The following NCS1 variants were observed in gnomAD, a reference collection of about 807,000 sequenced individuals.
NCS1 encodes neuronal calcium sensor 1.
NCS1 carries 6 observed loss-of-function variants against 28.4 expected under a neutral mutation model. The ratio of observed to expected loss-of-function variants is 0.21; its 90% CI spans 0.12 to 0.42. The LOEUF is 0.42. Ranked by LOEUF, NCS1 falls within the 10% of genes least tolerant of loss-of-function variation. NCS1 has a pLI of 1.00. For synonymous variants in NCS1, 86 were observed against 99.3 expected (o/e 0.87, Z 0.79); for missense variants, 131 against 241.4 (o/e 0.54, Z 3.03).
rs546850050 is a variant in NCS1 at position 130,201,091 on chromosome 9, G to A, written c.89+109G>A. 239 of 1,466,770 alleles carry A rather than the reference G, an allele frequency of 1.6e-4. 1 individual carries two copies. The African/African-American group carries it at 3.0e-3, about 19-fold the overall frequency. The allele number at this position is 1,466,770 out of a possible 1,614,324, so 90.9% of individuals were successfully genotyped here. A position where few individuals can be genotyped will look rare whatever the true frequency, so the allele number is the denominator to read the frequency against. Reference sequence around the variant, plus strand: ...GCTGCTCAGGATGGGGGCATGTGGAGGGGCCCCTGAGCGTGGGGTCCAGAC... The same window carrying A: ...GCTGCTCAGGATGGGGGCATGTGGAAGGGCCCCTGAGCGTGGGGTCCAGAC... On this transcript the variant is annotated intron_variant, in intron 2 of 7. Coordinates refer to ENST00000372398, the MANE Select transcript of NCS1 (RefSeq NM_014286.4).
chr9:130,201,782 G>T (rs533690186), intron 2 of NCS1, among the ~76,000 whole-genome samples: 1 of 152,162 alleles, frequency 6.6e-6, no homozygotes, highest in African/African-American at 2.4e-5. Flanking sequence ...ATGCTGGCCC[G>T]CCTGGCTCTG....
At chr9:130,203,144 T>A (rs1449296626) in intron 2 of NCS1, among the ~76,000 whole-genome samples, 15 of 150,552 alleles carry the variant, frequency 1.0e-4, no homozygotes, top group African/African-American at 3.7e-4. Context: ...ATATTTTTTT[T>A]TTTTTTTCTT....
intron 7 of NCS1, among the ~76,000 whole-genome samples, chr9:130,231,417 CTT>C (rs1833500350): frequency 6.6e-6 from 1 of 151,788 alleles, no homozygotes; most frequent in Non-Finnish European, 1.5e-5. Context: ...GAGTCTCACT[CTT>C]TTTGCCCAGG....
In NCS1 at chr9:130,177,280, G is replaced by A. The variant is rs1372833356; in HGVS notation, c.64+4553G>A. Among the ~76,000 whole-genome samples the A allele has an allele frequency of 6.6e-6, 1 of 152,152 alleles. No homozygotes were observed. The highest frequency in any genetic ancestry group is 2.4e-5 in the African/African-American group (1 of 41,446). ...GCCCATGAGGGCCCCTTCCTCTAGG[G>A]TGAGGAATATTCTCTGATCATCACT... On this transcript the variant is annotated intron_variant, in intron 1 of 7. Transcript: ENST00000372398. The surrounding 1 kb of genome is among the most constrained non-coding windows in gnomAD (Gnocchi z 4.4).
chr9:130,188,863 C>T (rs1223331156), intron 1 of NCS1, among the ~76,000 whole-genome samples: 1 of 152,054 alleles, frequency 6.6e-6, no homozygotes, highest in African/African-American at 2.4e-5. Context: ...ATTACAGGTG[C>T]CTGCCACCAT....
In NCS1 at chr9:130,236,305, T is replaced by C. The variant is rs1274542520; in HGVS notation, c.*3333T>C. On this transcript the variant is annotated 3_prime_UTR_variant, in exon 8 of 8. Transcript: ENST00000372398. Reference sequence around the variant, plus strand: ...TTTCAGCATTTAATTTTAAGGGAGCTAAGGAAGCGCGGCGCGCCCCCTGGT... The same window carrying C: ...TTTCAGCATTTAATTTTAAGGGAGCCAAGGAAGCGCGGCGCGCCCCCTGGT... 2 of 152,036 alleles carry C rather than the reference T, an allele frequency of 1.3e-5. No individual in the cohort carries two copies. The highest frequency in any genetic ancestry group is 1.3e-4 in the Admixed American group (2 of 15,274). 9.4% of individuals were successfully genotyped at this position (152,036 alleles called of 1,614,324 possible). A position where few individuals can be genotyped will look rare whatever the true frequency, so the allele number is the denominator to read the frequency against.
chr9:130,233,978 A>G lies in NCS1; in HGVS notation c.*1006A>G, dbSNP rs565202095. On this transcript the variant is annotated 3_prime_UTR_variant, in exon 8 of 8. Coordinates refer to ENST00000372398, the MANE Select transcript of NCS1 (RefSeq NM_014286.4). The surrounding 1 kb of genome is among the most constrained non-coding windows in gnomAD (Gnocchi z 4.8). ...CGTAACATTTTTTCCGAGGATGAACAGGGGACATCTTTAGGTTTCTCAACT... is the reference window on the plus strand; with the variant it reads ...CGTAACATTTTTTCCGAGGATGAACGGGGGACATCTTTAGGTTTCTCAACT... 1 of 152,098 alleles carries G rather than the reference A, an allele frequency of 6.6e-6. No individual in the cohort carries two copies. Among genetic ancestry groups the G allele is most frequent in the Non-Finnish European group, 1.5e-5 (1 of 68,036 alleles). The allele number at this position is 152,098 out of a possible 1,614,324, so 9.4% of individuals were successfully genotyped here.
Position 130,233,009 on chromosome 9 carries a change from C to T in NCS1, c.*37C>T, listed in dbSNP as rs1335405945. 6.5e-6 allele frequency: 1 copy of T among 153,070 alleles called. No homozygotes were observed. The highest frequency in any genetic ancestry group is 1.5e-5 in the Non-Finnish European group (1 of 68,434). The allele number at this position is 153,070 out of a possible 1,614,324, so 9.5% of individuals were successfully genotyped here. On this transcript the variant is annotated 3_prime_UTR_variant, in exon 8 of 8. Transcript: ENST00000372398. The surrounding 1 kb of genome is among the most constrained non-coding windows in gnomAD (Gnocchi z 4.8). ...TTCCAGATGCCTGGGAACCACTCAC[C>T]TCCTTCTGTGCCATGAGGCCACCTC...
intron 7 of NCS1, among the ~76,000 whole-genome samples, chr9:130,231,022 A>G (rs1228978669): frequency 6.6e-6 from 1 of 152,114 alleles, no homozygotes; most frequent in African/African-American, 2.4e-5. Context: ...GAATCAGAAT[A>G]AAGTCTACCC....
Position 130,222,632 on chromosome 9 carries a change from A to C in NCS1, c.308-18A>C. 1 of 1,612,230 alleles carries C rather than the reference A, an allele frequency of 6.2e-7. No individual in the cohort carries two copies. The stretch of plus-strand genomic sequence containing the variant: ...CTGCCCCAGCCCAGGATCACTCAGC[A>C]GTGCTGCTTGCTTACAGGGGCCTTC... On this transcript the variant is annotated intron_variant, in intron 4 of 7. Transcript: ENST00000372398.
At chr9:130,199,897 G>GTTCGTTCA (rs1554907262) in intron 1 of NCS1, among the ~76,000 whole-genome samples, 5 of 150,506 alleles carry the variant, frequency 3.3e-5, no homozygotes, top group African/African-American at 4.9e-5. Context: ...CTGTTCATGT[G>GTTCGTTCA]TTCATTCATT....
At chr9:130,198,132 G>A (rs1832899158) in intron 1 of NCS1, among the ~76,000 whole-genome samples, 2 of 152,188 alleles carry the variant, frequency 1.3e-5, no homozygotes, top group African/African-American at 4.8e-5. Context: ...CCCTAGCTCC[G>A]GTTCCCTGGG....
At position 130,192,314 on chromosome 9, in the gene NCS1, G is replaced by A. The variant is rs1554906341; in HGVS notation, c.65-8644G>A. Among the ~76,000 whole-genome samples the A allele has an allele frequency of 1.3e-5, 2 of 152,188 alleles. No individual in the cohort carries two copies. Among genetic ancestry groups the A allele is most frequent in the African/African-American group, 4.8e-5 (2 of 41,450 alleles). ...CCGCCGAGCACTCCATTTTAGAGAA[G>A]AGGCTGCCGCCCTTGTCCAAGGTCG... is the stretch of plus-strand genomic sequence containing the variant. On this transcript the variant is annotated intron_variant, in intron 1 of 7. Transcript: ENST00000372398. This position sits in a 1 kb window ranked among gnomAD's most constrained non-coding sequence, Gnocchi z 4.8.
chr9:130,193,812 A>T (rs1832845810), intron 1 of NCS1: 3 of 152,866 alleles, frequency 2.0e-5, no homozygotes. Context: ...CGCTTCTGGA[A>T]GGAGGACAGT....
chr9:130,182,342 A>C (rs1554905212), intron 1 of NCS1, among the ~76,000 whole-genome samples: 1 of 152,106 alleles, frequency 6.6e-6, no homozygotes, highest in African/African-American at 2.4e-5. Flanking sequence ...AAAACCTTGG[A>C]GTTCCCTGCC....
At chr9:130,188,727 C>CT (rs563630990) in intron 1 of NCS1, among the ~76,000 whole-genome samples, 1 of 134,248 alleles carries the variant, frequency 7.4e-6, no homozygotes, top group African/African-American at 2.8e-5. Flanking sequence ...CTTTGTTTTT[C>CT]TTTTTTGAGA....
rs1379463322 is a variant in NCS1 at position 130,186,718 on chromosome 9, C to T, written c.64+13991C>T. 6.6e-6 allele frequency among the ~76,000 whole-genome samples: 1 copy of T among 152,196 alleles called. No homozygotes were observed. Among genetic ancestry groups the T allele is most frequent in the East Asian group, 1.9e-4 (1 of 5,186 alleles). On this transcript the variant is annotated intron_variant, in intron 1 of 7. Coordinates refer to ENST00000372398, the MANE Select transcript of NCS1 (RefSeq NM_014286.4). The surrounding 1 kb of genome is among the most constrained non-coding windows in gnomAD (Gnocchi z 4.1). Reference sequence around the variant, plus strand: ...GTCATGGCCAGTAGAGCAGGGAGCCCTCTGGATGGAAGCCCTGAGAGGGTC... The same window carrying T: ...GTCATGGCCAGTAGAGCAGGGAGCCTTCTGGATGGAAGCCCTGAGAGGGTC...
intron 2 of NCS1, among the ~76,000 whole-genome samples, chr9:130,204,696 G>A (rs1229644737): frequency 6.6e-6 from 1 of 152,198 alleles, no homozygotes; most frequent in African/African-American, 2.4e-5. Flanking sequence ...GGGGATAATA[G>A]TAAAACTTTC....
At chr9:130,211,703 C>T (rs782290780) in intron 2 of NCS1, among the ~76,000 whole-genome samples, 1 of 152,092 alleles carries the variant, frequency 6.6e-6, no homozygotes, top group Non-Finnish European at 1.5e-5. Flanking sequence ...ACCTCGTTGG[C>T]TAGCTGTGTG....
Sources: allele counts gnomAD v4.1 joint callset (sites outside exome capture counted in the v4.1 genomes callset), GRCh38; gene constraint gnomAD v4.1.1; non-coding constraint Gnocchi (gnomAD v3.1); transcripts MANE v1.5; gene names NCBI Gene and HGNC (gene_info 2026-07-23, HGNC 2026-07-21).